Variants in FAM13A observed in about 807,000 individuals in gnomAD.
FAM13A encodes the protein protein FAM13A.
Under a neutral mutation model 129.6 loss-of-function variants are expected in FAM13A, and 76 were observed. That is an observed-to-expected ratio of 0.59 (90% confidence interval 0.49 to 0.71). The LOEUF (loss-of-function observed/expected upper bound fraction) is 0.71, where lower values mean the gene tolerates loss of function less well. FAM13A is among the 30% of genes least tolerant of loss of function. The pLI is 0.00. For synonymous variants in FAM13A, 443 were observed against 449.9 expected (o/e 0.98, Z 0.20); for missense variants, 1,108 against 1,249.3 (o/e 0.89, Z 1.70).
At chr4:88,776,899 G>C (rs781294520) in intron 11 of FAM13A, among the ~76,000 whole-genome samples, 1 of 152,068 alleles carries the variant, frequency 6.6e-6, no homozygotes, top group African/African-American at 2.4e-5. Context: ...ACTTGAACCC[G>C]GGAGGGGGAG....
At chr4:89,025,663 G>A (rs1767882923) in intron 2 of FAM13A, among the ~76,000 whole-genome samples, 1 of 152,146 alleles carries the variant, frequency 6.6e-6, no homozygotes, top group East Asian at 1.9e-4. Flanking sequence ...GTAGAACGGT[G>A]TGCAGAGGAA....
chr4:88,925,644 G>A (rs1752003033), intron 5 of FAM13A, among the ~76,000 whole-genome samples: 1 of 151,632 alleles, frequency 6.6e-6, no homozygotes, highest in Non-Finnish European at 1.5e-5. Flanking sequence ...GTATACATAT[G>A]TAACTAACCT....
At chr4:89,011,638 A>G (rs975226379) in intron 3 of FAM13A, among the ~76,000 whole-genome samples, 3 of 152,146 alleles carry the variant, frequency 2.0e-5, no homozygotes, top group Admixed American at 1.3e-4. Context: ...TACTTTTTCA[A>G]TGGTATCTTT....
intron 7 of FAM13A, among the ~76,000 whole-genome samples, chr4:88,830,342 TA>T (rs1266201371): frequency 6.6e-6 from 1 of 152,176 alleles, no homozygotes; most frequent in Non-Finnish European, 1.5e-5. Flanking sequence ...CAAAACCATA[TA>T]AAAAGCTTGT....
chr4:88,781,941 G>A lies in FAM13A; in HGVS notation c.1272-590C>T, dbSNP rs369450741. ...ACCAACATGGCACATGTATACATATGTAACAAACCTGCACATTGTGCACAT... is the reference window on the plus strand; with the variant it reads ...ACCAACATGGCACATGTATACATATATAACAAACCTGCACATTGTGCACAT... On this transcript the variant is annotated intron_variant, in intron 10 of 23. Transcript: ENST00000264344. Among the ~76,000 whole-genome samples, 66 of 150,738 alleles carry A rather than the reference G, an allele frequency of 4.4e-4. No homozygotes were observed. In the East Asian group the frequency reaches 5.5e-3, roughly 12 times the overall value.
At position 88,865,121 on chromosome 4, in the gene FAM13A, C is replaced by T. The variant is rs113274694; in HGVS notation, c.844-13938G>A. ...AAACAAAATAAAAGCAGAAGAAACA[C>T]TGATAAAAATTGTAGTAAATTTTTG... On this transcript the variant is annotated intron_variant, in intron 6 of 23. Coordinates refer to ENST00000264344, the MANE Select transcript of FAM13A (RefSeq NM_014883.4). Among the ~76,000 whole-genome samples, 917 of 152,244 alleles carry T rather than the reference C, an allele frequency of 6.0e-3. 8 individuals are homozygous for T. The highest frequency in any genetic ancestry group is 0.021 in the African/African-American group (873 of 41,544).
At chr4:88,814,047 C>T (rs1293455857) in intron 7 of FAM13A, among the ~76,000 whole-genome samples, 1 of 152,162 alleles carries the variant, frequency 6.6e-6, no homozygotes, top group Non-Finnish European at 1.5e-5. Flanking sequence ...TGATTGAGAG[C>T]TCACCATAAA....
At chr4:88,861,066 G>A (rs917546753) in intron 6 of FAM13A, among the ~76,000 whole-genome samples, 3 of 152,030 alleles carry the variant, frequency 2.0e-5, no homozygotes, top group African/African-American at 7.2e-5. Context: ...ACTTCTCTGA[G>A]GCTCAGCTGC....
At chr4:88,821,308 T>C (rs1731851014) in intron 7 of FAM13A, among the ~76,000 whole-genome samples, 1 of 152,140 alleles carries the variant, frequency 6.6e-6, no homozygotes, top group Non-Finnish European at 1.5e-5. Context: ...ATTGCGGCAG[T>C]GAATGCACGT....
intron 7 of FAM13A, chr4:88,823,019 T>A (rs1175371286): frequency 1.9e-6 from 3 of 1,613,484 alleles, no homozygotes; most frequent in Non-Finnish European, 2.5e-6. Flanking sequence ...GTATGTAAAT[T>A]TGCAAGGGAA....
intron 7 of FAM13A, among the ~76,000 whole-genome samples, chr4:88,849,549 C>T (rs543808376): frequency 2.0e-5 from 3 of 152,216 alleles, no homozygotes; most frequent in Non-Finnish European, 2.9e-5. Flanking sequence ...TCCCTGACTA[C>T]TCAAACTAAA....
chr4:88,798,766 A>G (rs1726785766), intron 8 of FAM13A, among the ~76,000 whole-genome samples: 1 of 152,186 alleles, frequency 6.6e-6, no homozygotes, highest in Admixed American at 6.5e-5. Context: ...GTACTGTATC[A>G]GGCAAAGGCA....
chr4:88,766,930 TA>T (rs1382448578), intron 13 of FAM13A, among the ~76,000 whole-genome samples: 1 of 152,120 alleles, frequency 6.6e-6, no homozygotes, highest in Non-Finnish European at 1.5e-5. Context: ...ATACATGAAT[TA>T]AAAATGATGC....
At chr4:88,975,918 T>A (rs1760839153) in intron 4 of FAM13A, among the ~76,000 whole-genome samples, 1 of 152,240 alleles carries the variant, frequency 6.6e-6, no homozygotes, top group South Asian at 2.1e-4. Context: ...CAGAAGACAT[T>A]TTATTCTTAG....
At chr4:88,968,047 G>A (rs908080126) in intron 4 of FAM13A, among the ~76,000 whole-genome samples, 1 of 152,162 alleles carries the variant, frequency 6.6e-6, no homozygotes, top group Non-Finnish European at 1.5e-5. Flanking sequence ...GCCATAATTT[G>A]CAGAGTCTAG....
At chr4:88,809,814 G>C (rs1008696652) in intron 7 of FAM13A, among the ~76,000 whole-genome samples, 2 of 151,088 alleles carry the variant, frequency 1.3e-5, no homozygotes, top group Non-Finnish European at 2.9e-5. Context: ...CTGTTGCTTA[G>C]GTTTTTGGTT....
intron 5 of FAM13A, among the ~76,000 whole-genome samples, chr4:88,918,929 G>A (rs1750554485): frequency 6.6e-6 from 1 of 152,150 alleles, no homozygotes; most frequent in Admixed American, 6.6e-5. Flanking sequence ...TCTCTGATAA[G>A]GCAAACTTTG....
At chr4:89,043,289 A>G (rs530554321) in intron 1 of FAM13A, among the ~76,000 whole-genome samples, 5 of 152,148 alleles carry the variant, frequency 3.3e-5, no homozygotes, top group Non-Finnish European at 5.9e-5. Flanking sequence ...TACACTAACT[A>G]AGAGTGAGTG....
In FAM13A at chr4:89,056,981, T is replaced by C; in HGVS notation, c.-17A>G. ...TGCCCCCATTCTCTCAGAAAGCGTC[T>C]GGAAGAACTGAGGAAGACCAGACGA... is the stretch of plus-strand genomic sequence containing the variant. On this transcript the variant is annotated 5_prime_UTR_variant, in exon 1 of 24. Coordinates refer to ENST00000264344, the MANE Select transcript of FAM13A (RefSeq NM_014883.4). 6.2e-7 allele frequency: 1 copy of C among 1,613,572 alleles called. No homozygotes were observed. Among genetic ancestry groups the C allele is most frequent in the Non-Finnish European group, 8.5e-7 (1 of 1,179,756 alleles).
Sources: allele counts gnomAD v4.1 joint callset (sites outside exome capture counted in the v4.1 genomes callset), GRCh38; gene constraint gnomAD v4.1.1; transcripts MANE v1.5; gene names NCBI Gene and HGNC (gene_info 2026-07-23, HGNC 2026-07-21).